The following RNF38 variants were observed in gnomAD, a reference collection of about 807,000 sequenced individuals.
RNF38 encodes E3 ubiquitin-protein ligase RNF38.
RNF38 carries 15 observed loss-of-function variants against 67.2 expected under a neutral mutation model. The observed-to-expected ratio is 0.22, with a 90% CI of 0.15 to 0.34. RNF38 has a LOEUF of 0.34. Among genes scored for constraint, RNF38 ranks in the 10% least tolerant of loss-of-function variants. The probability of loss-of-function intolerance (pLI) is 1.00; values close to 1 mark genes in which losing one functional copy is unlikely to be tolerated. For synonymous variants in RNF38, 220 were observed against 218.8 expected (o/e 1.01, Z -0.05); for missense variants, 524 against 639.9 (o/e 0.82, Z 1.95).
Position 36,390,521 on chromosome 9 carries a change from T to C in RNF38, c.108A>G (p.Pro36=), listed in dbSNP as rs1836998079. The change falls in exon 2 of 12, where the codon CCA becomes CCG. Residue 36 remains proline (P), a synonymous_variant. Transcript: ENST00000259605. ...VRLQSLFPLL[P]SDQNTTVQED... ...CTTGAACGGTAGTGTTCTGATCACTTGGGAGGAGAGGGAACAGGCTCTGAA... is the reference window on the plus strand; with the variant it reads ...CTTGAACGGTAGTGTTCTGATCACTCGGGAGGAGAGGGAACAGGCTCTGAA... The C allele has an allele frequency of 6.2e-7, 1 of 1,614,068 alleles. No homozygotes were observed. The highest frequency in any genetic ancestry group is 1.7e-5 in the Admixed American group (1 of 60,012).
rs143602125 is a variant in RNF38, at chr9:36,416,667, G to A, written n.312+7946C>T. On this transcript the variant is annotated intron_variant and non_coding_transcript_variant, in intron 2 of 3. Transcript: ENST00000488058. ...TGGCAGCCTTTCCCAAGAACCCCTG[G>A]TAAGATAAAAGTCAGAAATGGCTTC... Among the ~76,000 whole-genome samples, 431 of 150,858 alleles carry A rather than the reference G, an allele frequency of 2.9e-3. 2 individuals carry two copies. The highest frequency in any genetic ancestry group is 8.9e-3 in the African/African-American group (364 of 41,038).
intron 2 of RNF38, among the ~76,000 whole-genome samples, chr9:36,415,599 T>C (rs1838444387): frequency 6.6e-6 from 1 of 152,200 alleles, no homozygotes; most frequent in Non-Finnish European, 1.5e-5. Context: ...CTTCTGCATC[T>C]AGCCACCTAG....
intron 1 of RNF38, among the ~76,000 whole-genome samples, chr9:36,481,168 C>T (rs779609392): frequency 2.1e-4 from 32 of 152,022 alleles, no homozygotes; most frequent in Admixed American, 1.1e-3. Context: ...GTGCGTGCCA[C>T]CACGCCCAGC....
chr9:36,361,928 T>C (rs1161116542), intron 4 of RNF38, among the ~76,000 whole-genome samples: 2 of 152,186 alleles, frequency 1.3e-5, no homozygotes, highest in African/African-American at 2.4e-5. Flanking sequence ...GCAAGACATA[T>C]GATGCACAGC....
At position 36,380,815 on chromosome 9, in the gene RNF38, G is replaced by A. The variant is rs112872296; in HGVS notation, c.163-4688C>T. ...TGGCTAACAAACATGCTTTTAAAAT[G>A]CAGTGCTAAATGCAGGGGAAAAAAG... On this transcript the variant is annotated intron_variant, in intron 2 of 11. Coordinates refer to ENST00000259605, the MANE Select transcript of RNF38 (RefSeq NM_022781.5). Among the ~76,000 whole-genome samples the A allele has an allele frequency of 9.1e-4, 139 of 152,288 alleles. 2 individuals carry two copies. Among genetic ancestry groups the A allele is most frequent in the Middle Eastern group, 3.4e-3 (1 of 294 alleles).
rs538141946 is a variant in RNF38, at chr9:36,370,461, C to T, written c.357-529G>A. 5.3e-5 allele frequency among the ~76,000 whole-genome samples: 8 copies of T among 152,162 alleles called. No homozygotes were observed. In the South Asian group the frequency reaches 1.5e-3, roughly 28 times the overall value. ...CAAAGAACATATAATTTGCTGACAA[C>T]CGCAAATAGAAACTGGGTAAACACG... is the stretch of plus-strand genomic sequence containing the variant. On this transcript the variant is annotated intron_variant, in intron 3 of 11. Transcript: ENST00000259605.
chr9:36,340,685 TAATGG>T (rs1362136942), intron 11 of RNF38, among the ~76,000 whole-genome samples: 3 of 152,216 alleles, frequency 2.0e-5, no homozygotes, highest in Non-Finnish European at 4.4e-5. Context: ...TGGCTATTCT[TAATGG>T]AATGAAGTCA....
chr9:36,380,482 G>A (rs1411114360), intron 2 of RNF38, among the ~76,000 whole-genome samples: 1 of 150,578 alleles, frequency 6.6e-6, no homozygotes, highest in Non-Finnish European at 1.5e-5. Flanking sequence ...TTACAGGCGT[G>A]AGCCACTGCG....
At chr9:36,439,048 GCAGA>G (rs1839134379) in intron 1 of RNF38, among the ~76,000 whole-genome samples, 2 of 139,410 alleles carry the variant, frequency 1.4e-5, no homozygotes, top group Admixed American at 1.4e-4. Flanking sequence ...TCAAATCTAT[GCAGA>G]ATAGAGCTAT....
rs1836719686 is a variant in RNF38 at position 36,387,283 on chromosome 9, C to T, written c.162+3184G>A. The stretch of plus-strand genomic sequence containing the variant: ...TCTTTCTAGCACAAGATCTAAGAAC[C>T]CTCTCCTGGGGTCTGGATCAGGACC... On this transcript the variant is annotated intron_variant, in intron 2 of 11. Coordinates refer to ENST00000259605, the MANE Select transcript of RNF38 (RefSeq NM_022781.5). Among the ~76,000 whole-genome samples, 4 of 152,118 alleles carry T rather than the reference C, an allele frequency of 2.6e-5. No individual in the cohort carries two copies. The South Asian group carries it at 6.2e-4, about 24-fold the overall frequency.
chr9:36,336,637 A>T lies in RNF38; in HGVS notation c.*3115T>A, dbSNP rs555695319. ...TGATACAATGGAATATGATTTGAGA[A>T]AATGACTCAGCAAATGATTCCAAAA... On this transcript the variant is annotated 3_prime_UTR_variant, in exon 12 of 12. Coordinates refer to ENST00000259605, the MANE Select transcript of RNF38 (RefSeq NM_022781.5). 6.5e-6 allele frequency: 1 copy of T among 152,760 alleles called. No homozygotes were observed. Among genetic ancestry groups the T allele is most frequent in the East Asian group, 1.9e-4 (1 of 5,188 alleles). 9.5% of individuals were successfully genotyped at this position (152,760 alleles called of 1,614,324 possible).
At chr9:36,426,738 T>C (rs939718952) in intron 1 of RNF38, among the ~76,000 whole-genome samples, 2 of 152,260 alleles carry the variant, frequency 1.3e-5, no homozygotes, top group African/African-American at 4.8e-5. Context: ...TTACAGTTCC[T>C]CTGGCATTTT....
intron 4 of RNF38, among the ~76,000 whole-genome samples, chr9:36,361,286 G>A (rs1012617626): frequency 1.3e-5 from 2 of 151,706 alleles, no homozygotes; most frequent in Admixed American, 1.3e-4. Flanking sequence ...CGAGTACCTG[G>A]GACTACAGGT....
rs1564010718 is a variant in RNF38, at chr9:36,363,958, C to T, written c.570+5761G>A. On this transcript the variant is annotated intron_variant, in intron 4 of 11. Transcript: ENST00000259605. ...AAGCATTTCTCCTGCCTCAGACTCCCGAGTACCTGGGATAGGCACCCACCA... is the reference window on the plus strand; with the variant it reads ...AAGCATTTCTCCTGCCTCAGACTCCTGAGTACCTGGGATAGGCACCCACCA... 5.6e-5 allele frequency among the ~76,000 whole-genome samples: 5 copies of T among 89,860 alleles called. 2 individuals carry two copies. Among genetic ancestry groups the T allele is most frequent in the Admixed American group, 5.2e-4 (5 of 9,692 alleles). 59.0% of individuals were successfully genotyped at this position (89,860 alleles called of 152,430 possible).
intron 1 of RNF38, among the ~76,000 whole-genome samples, chr9:36,462,735 C>G (rs1216553955): frequency 6.6e-6 from 1 of 151,344 alleles, no homozygotes; most frequent in Non-Finnish European, 1.5e-5. Context: ...AGATCAGTGG[C>G]ATGATCTCAG....
chr9:36,346,460 G>C (rs147690720), intron 9 of RNF38, among the ~76,000 whole-genome samples: 37 of 152,172 alleles, frequency 2.4e-4, no homozygotes, highest in Non-Finnish European at 4.6e-4. Flanking sequence ...CAAAGTGCTG[G>C]GACTACAGGA....
chr9:36,346,541 C>CT (rs1300724515), intron 9 of RNF38, among the ~76,000 whole-genome samples: 1 of 152,108 alleles, frequency 6.6e-6, no homozygotes. Context: ...CTTAATGACT[C>CT]TAATAACTCA....
intron 1 of RNF38, among the ~76,000 whole-genome samples, chr9:36,468,629 T>G (rs1011100389): frequency 6.6e-6 from 1 of 151,556 alleles, no homozygotes; most frequent in Non-Finnish European, 1.5e-5. Context: ...CTGACCAACA[T>G]AGGGAAACCC....
chr9:36,374,455 C>T (rs1049658377), intron 3 of RNF38, among the ~76,000 whole-genome samples: 1 of 152,154 alleles, frequency 6.6e-6, no homozygotes, highest in Non-Finnish European at 1.5e-5. Flanking sequence ...TCACTGTCTC[C>T]TCATATGGTG....
Sources: allele counts gnomAD v4.1 joint callset (sites outside exome capture counted in the v4.1 genomes callset), GRCh38; gene constraint gnomAD v4.1.1; transcripts MANE v1.5; gene names NCBI Gene and HGNC (gene_info 2026-07-23, HGNC 2026-07-21).